FHIT: variants seen among roughly 807,000 people sequenced by gnomAD.
FHIT encodes fragile histidine triad diadenosine triphosphatase, also known as bis(5'-adenosyl)-triphosphatase.
FHIT carries 19 observed loss-of-function variants against 17.9 expected under a neutral mutation model. The ratio of observed to expected loss-of-function variants is 1.06; its 90% CI spans 0.74 to 1.56. The LOEUF (loss-of-function observed/expected upper bound fraction) is 1.56, where lower values mean the gene tolerates loss of function less well. FHIT is among the 40% of genes most tolerant of loss of function. FHIT has a pLI of 0.00. For missense variants in FHIT, 248 were observed against 189.2 expected, an observed-to-expected ratio of 1.31 and a Z score of -1.82; for synonymous variants, 81 against 69.7, an observed-to-expected ratio of 1.16 and a Z score of -0.81.
chr3:60,093,172 G>A (rs1227031001), intron 5 of FHIT, among the ~76,000 whole-genome samples: 1 of 152,156 alleles, frequency 6.6e-6, no homozygotes, highest in Non-Finnish European at 1.5e-5. Context: ...GTCTCCAGGT[G>A]TGGGCAGAGC....
At chr3:60,848,591 C>G (rs186822157) in intron 3 of FHIT, among the ~76,000 whole-genome samples, 65 of 152,192 alleles carry the variant, frequency 4.3e-4, no homozygotes, top group African/African-American at 1.5e-3. Context: ...CAAATCCAGC[C>G]TCTGGCACTT....
At chr3:60,179,641 T>G (rs995848410) in intron 5 of FHIT, among the ~76,000 whole-genome samples, 2 of 151,956 alleles carry the variant, frequency 1.3e-5, no homozygotes, top group Non-Finnish European at 2.9e-5. Flanking sequence ...CTACAGGACC[T>G]CAAATATTAG....
At chr3:60,026,850 G>A (rs1350750865) in intron 5 of FHIT, among the ~76,000 whole-genome samples, 1 of 152,070 alleles carries the variant, frequency 6.6e-6, no homozygotes, top group Non-Finnish European at 1.5e-5. Flanking sequence ...TGTAATCCCA[G>A]CACTTTGGGA....
chr3:60,373,372 C>T (rs565275001), intron 5 of FHIT, among the ~76,000 whole-genome samples: 18 of 152,264 alleles, frequency 1.2e-4, no homozygotes, highest in African/African-American at 3.9e-4. Flanking sequence ...GAAACAGCAT[C>T]AAATGCGAAG....
intron 3 of FHIT, among the ~76,000 whole-genome samples, chr3:60,865,266 T>G (rs1704106300): frequency 6.6e-6 from 1 of 152,228 alleles, no homozygotes; most frequent in Non-Finnish European, 1.5e-5. Flanking sequence ...TAATTATATG[T>G]GGCTATTTAA....
intron 8 of FHIT, among the ~76,000 whole-genome samples, chr3:59,879,086 C>T (rs1703291936): frequency 6.6e-6 from 1 of 152,106 alleles, no homozygotes; most frequent in African/African-American, 2.4e-5. Flanking sequence ...ACAACAAACA[C>T]ATTTTCCAGT....
At chr3:60,750,497 T>C (rs1553716526) in intron 4 of FHIT, among the ~76,000 whole-genome samples, 1 of 152,138 alleles carries the variant, frequency 6.6e-6, no homozygotes, top group Admixed American at 6.5e-5. Flanking sequence ...GTTCACATGA[T>C]CATGAATCAG....
intron 5 of FHIT, among the ~76,000 whole-genome samples, chr3:60,434,205 C>T (rs2029997943): frequency 6.6e-6 from 1 of 151,960 alleles, no homozygotes; most frequent in South Asian, 2.1e-4. Flanking sequence ...TTTGCATTTC[C>T]CTTTGGGAAT....
chr3:60,911,812 T>C (rs1243880194), intron 3 of FHIT, among the ~76,000 whole-genome samples: 1 of 152,040 alleles, frequency 6.6e-6, no homozygotes, highest in Non-Finnish European at 1.5e-5. Context: ...AAACAATAAG[T>C]CTGAAGCAAA....
At chr3:61,147,064 T>C (rs573660494) in intron 2 of FHIT, among the ~76,000 whole-genome samples, 1 of 152,136 alleles carries the variant, frequency 6.6e-6, no homozygotes, top group African/African-American at 2.4e-5. Flanking sequence ...AAAACTCTTC[T>C]GGTTACAGAG....
At chr3:60,642,726 C>G (rs1414062907) in intron 4 of FHIT, among the ~76,000 whole-genome samples, 3 of 152,072 alleles carry the variant, frequency 2.0e-5, no homozygotes, top group Admixed American at 1.3e-4. Context: ...CCTCTTCCCC[C>G]CACCTCCCCC....
intron 5 of FHIT, among the ~76,000 whole-genome samples, chr3:60,412,122 C>A (rs186470093): frequency 2.1e-3 from 324 of 152,164 alleles, no homozygotes; most frequent in Non-Finnish European, 3.8e-3. Context: ...TACCTGTAGT[C>A]TCAACTACTT....
intron 5 of FHIT, among the ~76,000 whole-genome samples, chr3:60,132,296 G>A (rs1403652681): frequency 1.3e-5 from 2 of 152,190 alleles, no homozygotes; most frequent in African/African-American, 2.4e-5. Flanking sequence ...ATGGAAAGCA[G>A]CTGGCCTTGC....
At chr3:60,973,448 G>A (rs1012906779) in intron 3 of FHIT, among the ~76,000 whole-genome samples, 48 of 152,048 alleles carry the variant, frequency 3.2e-4, no homozygotes, top group Non-Finnish European at 7.4e-5. Context: ...GTACAAAAAG[G>A]CCTCAAGGGA....
rs145972085 is a variant in FHIT, at chr3:61,016,772, T to C, written c.-111+25275A>G. On this transcript the variant is annotated intron_variant, in intron 3 of 9. Coordinates refer to ENST00000492590, the MANE Select transcript of FHIT (RefSeq NM_002012.4). ...ATGTGAACTTTATGTGTGAATTACTTATGTGTGTGCACAAACTAAAGGCAA... is the reference window on the plus strand; with the variant it reads ...ATGTGAACTTTATGTGTGAATTACTCATGTGTGTGCACAAACTAAAGGCAA... Among the ~76,000 whole-genome samples the C allele has an allele frequency of 3.0e-3, 457 of 152,362 alleles. 1 individual carries two copies. In the Middle Eastern group the frequency reaches 0.048, roughly 16 times the overall value.
At chr3:60,711,484 A>G (rs543371293) in intron 4 of FHIT, among the ~76,000 whole-genome samples, 13 of 152,336 alleles carry the variant, frequency 8.5e-5, no homozygotes, top group South Asian at 4.1e-4. Flanking sequence ...TCCGAGCTAC[A>G]GGAGGAAATT....
chr3:60,075,685 C>A (rs147394263), intron 5 of FHIT, among the ~76,000 whole-genome samples: 59 of 152,018 alleles, frequency 3.9e-4, no homozygotes, highest in African/African-American at 1.4e-3. Context: ...AATCAAAGAT[C>A]CTGTTTGTTT....
chr3:61,198,963 A>G (rs2038936704), intron 2 of FHIT, among the ~76,000 whole-genome samples: 1 of 152,116 alleles, frequency 6.6e-6, no homozygotes. Flanking sequence ...GGCAGCTCAC[A>G]TCTACTGAGC....
At chr3:59,826,007 T>C (rs982982277) in intron 8 of FHIT, among the ~76,000 whole-genome samples, 1 of 152,232 alleles carries the variant, frequency 6.6e-6, no homozygotes, top group East Asian at 1.9e-4. Flanking sequence ...AAACTCACTT[T>C]ATTATTCTGC....
Sources: gnomAD v4.1 joint callset for allele counts (sites outside exome capture counted in the v4.1 genomes callset) on GRCh38, gnomAD v4.1.1 for gene constraint, MANE v1.5 for transcripts, NCBI Gene and HGNC (gene_info 2026-07-23, HGNC 2026-07-21) for gene names.